Variants in LTA4H observed in about 807,000 individuals in gnomAD.
The protein encoded by LTA4H is leukotriene A-4 hydrolase.
In LTA4H, 59 loss-of-function variants were observed where a neutral mutation model predicts 89.8. That is an observed-to-expected ratio of 0.66 (90% CI 0.53 to 0.82). The LOEUF (loss-of-function observed/expected upper bound fraction) is 0.82, where lower values mean the gene tolerates loss of function less well. LTA4H is among the 40% of genes least tolerant of loss of function. The probability of loss-of-function intolerance (pLI) is 0.00; values close to 1 mark genes in which losing one functional copy is unlikely to be tolerated. For missense variants in LTA4H, 617 were observed against 727.0 expected, an observed-to-expected ratio of 0.85 and a Z score of 1.74; for synonymous variants, 227 against 253.1, an observed-to-expected ratio of 0.90 and a Z score of 0.98.
At chr12:96,028,984 A>T in intron 2 of LTA4H, 71 bp downstream of exon 2, 1 of 1,299,962 alleles carries the variant, frequency 7.7e-7, no homozygotes, top group Middle Eastern at 2.6e-4. Context: ...AAAAGAAAAA[A>T]TATTTAAATT....
rs1454074585 is a variant in LTA4H at position 96,020,436 on chromosome 12, A to G, written c.638+649T>C. ...TGAGGTATCTAAAGTAATCAAATTC[A>G]TAGGAACAGAAAATAGAATGGGTGT... On this transcript the variant is annotated intron_variant, in intron 6 of 18. Transcript: ENST00000228740. Among the ~76,000 whole-genome samples, 44 of 152,356 alleles carry G rather than the reference A, an allele frequency of 2.9e-4. 1 individual carries two copies. In the East Asian group the frequency reaches 6.8e-3, roughly 23 times the overall value.
chr12:96,041,803 A>G (rs770061504), intron 1 of LTA4H, among the ~76,000 whole-genome samples: 28 of 151,734 alleles, frequency 1.8e-4, no homozygotes, highest in Non-Finnish European at 3.4e-4. Flanking sequence ...CACCACGCCC[A>G]GCTAATTTTT....
intron 8 of LTA4H, among the ~76,000 whole-genome samples, chr12:96,018,386 T>C (rs1950407123): frequency 6.6e-6 from 1 of 151,980 alleles, no homozygotes; most frequent in Non-Finnish European, 1.5e-5. Context: ...CCATCTCTAC[T>C]AAAATTACAA....
chr12:96,019,107 A>G (rs1302401803), intron 7 of LTA4H, 61 bp downstream of exon 7: 68 of 1,458,594 alleles, frequency 4.7e-5, no homozygotes, highest in Non-Finnish European at 5.5e-5. Context: ...CACATTTCAC[A>G]CTCAAAATCT....
chr12:96,030,782 G>T (rs1475261382), intron 1 of LTA4H, among the ~76,000 whole-genome samples: 1 of 152,076 alleles, frequency 6.6e-6, no homozygotes, highest in Admixed American at 6.6e-5. Flanking sequence ...CTGCCCCTGG[G>T]TACTTTCTTT....
intron 11 of LTA4H, 155 bp from the exon 12 acceptor site, chr12:96,015,154 C>A: frequency 1.7e-6 from 1 of 586,848 alleles, no homozygotes; most frequent in Non-Finnish European, 2.9e-6. Context: ...GCATAAACTT[C>A]TGGAAGTCTA....
chr12:96,003,112 G>A (rs1336119201), intron 17 of LTA4H, 48 bp from the exon 18 acceptor site: 2 of 1,217,888 alleles, frequency 1.6e-6, no homozygotes, highest in Admixed American at 2.0e-5. Context: ...TGAGGAAGGG[G>A]CAGGATATGA....
At chr12:96,012,434 G>C (rs375303849) in intron 14 of LTA4H, 1 of 152,456 alleles carries the variant, frequency 6.6e-6, no homozygotes, top group Admixed American at 6.5e-5. Flanking sequence ...TATTGAGGCC[G>C]GGCACGGTGG....
At chr12:96,033,883 T>C (rs1272432413) in intron 1 of LTA4H, among the ~76,000 whole-genome samples, 1 of 152,274 alleles carries the variant, frequency 6.6e-6, no homozygotes, top group African/African-American at 2.4e-5. Context: ...AAAGATAGCA[T>C]GGTACTTCAA....
Position 96,021,674 on chromosome 12 carries a change from CACA to C in LTA4H, c.585+470_585+472del, listed in dbSNP as rs774858282. 5.3e-4 allele frequency among the ~76,000 whole-genome samples: 64 copies of C among 120,666 alleles called. 1 individual carries two copies. Among genetic ancestry groups the C allele is most frequent in the Non-Finnish European group, 8.3e-4 (51 of 61,392 alleles). 79.2% of individuals were successfully genotyped at this position (120,666 alleles called of 152,430 possible). A position where few individuals can be genotyped will look rare whatever the true frequency, so the allele number is the denominator to read the frequency against. ...GTGAGGTCAATTAAGAAAACACACA[CACA>C]CACACACACACACACACACACACAC... On this transcript the variant is annotated intron_variant, in intron 5 of 18. Transcript: ENST00000228740.
Position 96,013,766 on chromosome 12 carries a change from G to A in LTA4H, c.1292C>T (p.Ser431Phe). The change falls in exon 13 of 19, where the codon TCC (serine) becomes TTC (phenylalanine). Residue 431 changes from serine (S) to phenylalanine (F), a missense_variant. By Grantham distance (155) the Ser-to-Phe change is radical. Around this residue, in one of 3 missense-constraint regions of LTA4H, gnomAD observed 290 missense variants for 339.1 expected, o/e 0.86. Coordinates refer to ENST00000228740, the MANE Select transcript of LTA4H (RefSeq NM_000895.3). The stretch of plus-strand genomic sequence containing the variant: ...AAATCCAACCTTATCTTTAAAATAG[G>A]AATACAGGAAATCCTTCCAGTCATC... ...TTDDWKDFLY[S>F]YFKDKVDVLN... The A allele has an allele frequency of 6.4e-7, 1 of 1,551,574 alleles. No homozygotes were observed. The highest frequency in any genetic ancestry group is 8.8e-7 in the Non-Finnish European group (1 of 1,133,944).
At chr12:96,019,899 GT>G (rs748833448) in intron 6 of LTA4H, among the ~76,000 whole-genome samples, 24,119 of 120,878 alleles carry the variant, frequency 0.2, 2,242 homozygotes, top group Non-Finnish European at 0.26. Flanking sequence ...CACGCCCAGC[GT>G]TTTTTTTTTT....
intron 11 of LTA4H, 122 bp from the exon 12 acceptor site, chr12:96,015,121 G>T: frequency 1.3e-6 from 1 of 781,870 alleles, no homozygotes; most frequent in Non-Finnish European, 2.0e-6. Flanking sequence ...AAAACTTGGA[G>T]ACTGGAACAC....
intron 1 of LTA4H, among the ~76,000 whole-genome samples, chr12:96,033,388 A>G (rs185647804): frequency 7.9e-5 from 12 of 152,312 alleles, no homozygotes; most frequent in Admixed American, 7.2e-4. Context: ...TGCTGTTCAT[A>G]TATTAGAAAA....
intron 8 of LTA4H, among the ~76,000 whole-genome samples, chr12:96,017,992 C>G (rs1052877976): frequency 3.3e-5 from 5 of 152,110 alleles, no homozygotes; most frequent in African/African-American, 1.2e-4. Context: ...ATCCATCACT[C>G]ATTTTGGTTC....
rs148337490 is a variant in LTA4H at position 96,023,846 on chromosome 12, A to G, written c.480+633T>C. On this transcript the variant is annotated intron_variant, in intron 4 of 18. Transcript: ENST00000228740. ...TAAATCATGCAAATGTCAATTTTTA[A>G]AAGTTAAGTAAAAATTGTTCCTAAG... is the stretch of plus-strand genomic sequence containing the variant. 2.6e-3 allele frequency among the ~76,000 whole-genome samples: 394 copies of G among 152,306 alleles called. 2 individuals carry two copies. Among genetic ancestry groups the G allele is most frequent in the African/African-American group, 9.0e-3 (374 of 41,560 alleles).
rs144452781 is a variant in LTA4H at position 96,034,426 on chromosome 12, G to C, written c.159+935C>G. On this transcript the variant is annotated intron_variant, in intron 1 of 18. Transcript: ENST00000228740. ...ATAAAATCATTGAATAATATTCCAT[G>C]AATCTACAACCTTTCTTCATTCCAA... is the stretch of plus-strand genomic sequence containing the variant. 4.7e-3 allele frequency among the ~76,000 whole-genome samples: 719 copies of C among 152,302 alleles called. 8 individuals are homozygous for C. Among genetic ancestry groups the C allele is most frequent in the African/African-American group, 0.017 (690 of 41,550 alleles).
intron 4 of LTA4H, among the ~76,000 whole-genome samples, chr12:96,023,997 TCAGC>T (rs1220954812): frequency 6.6e-6 from 1 of 152,000 alleles, no homozygotes; most frequent in Non-Finnish European, 1.5e-5. Flanking sequence ...TGGTGCCATC[TCAGC>T]TCACTCCAAG....
rs754858883 is a variant in LTA4H, at chr12:96,035,393, C to A, written c.127G>T (p.Val43Phe). Residue 43 changes from valine to phenylalanine, a missense_variant, in exon 1 of 19, where the codon GTC becomes TTC. Transcript: ENST00000228740. ...CGCAGATTGTCCTCCTGAGACTGGA[C>A]CGTGAGAGCAGCAGTCCCGGTCAGC... ...RTLTGTAALT[V>F]QSQEDNLRSL... 6.2e-7 allele frequency: 1 copy of A among 1,611,648 alleles called. No homozygotes were observed. Among genetic ancestry groups the A allele is most frequent in the East Asian group, 2.2e-5 (1 of 44,748 alleles).
Sources: gnomAD v4.1 joint callset for allele counts (sites outside exome capture counted in the v4.1 genomes callset) on GRCh38, gnomAD v4.1.1 for gene constraint, gnomAD v4.1.1 regional missense constraint, MANE v1.5 for transcripts, NCBI Gene and HGNC (gene_info 2026-07-23, HGNC 2026-07-21) for gene names.